The following UBE2Q2 variants were observed in gnomAD, a reference collection of about 807,000 sequenced individuals.
UBE2Q2 encodes ubiquitin conjugating enzyme E2 Q2, also known as ubiquitin-conjugating enzyme E2 Q2.
A neutral mutation model predicts 59.9 loss-of-function variants in UBE2Q2; 54 were observed. That is an observed-to-expected ratio of 0.90 (90% CI 0.72 to 1.13). UBE2Q2 has a LOEUF of 1.13. UBE2Q2 is among the 50% of genes most tolerant of loss of function. The probability of loss-of-function intolerance (pLI) is 0.00; values close to 1 mark genes in which losing one functional copy is unlikely to be tolerated. For missense variants in UBE2Q2, 433 were observed against 441.9 expected, an observed-to-expected ratio of 0.98 and a Z score of 0.18; for synonymous variants, 165 against 155.2, an observed-to-expected ratio of 1.06 and a Z score of -0.47.
chr15:75,863,579 G>C (rs993087583), intron 3 of UBE2Q2, among the ~76,000 whole-genome samples: 3 of 151,466 alleles, frequency 2.0e-5, no homozygotes, highest in African/African-American at 7.3e-5. Context: ...CCAAGTAGCT[G>C]GGATTACAGG....
At position 75,880,573 on chromosome 15, in the gene UBE2Q2, C is replaced by T. The variant is rs551305726; in HGVS notation, c.825+1385C>T. Among the ~76,000 whole-genome samples, 5 of 151,818 alleles carry T rather than the reference C, an allele frequency of 3.3e-5. No individual in the cohort carries two copies. In the South Asian group the frequency reaches 1.0e-3, roughly 31 times the overall value. ...CTGGCGTGTGGTGGCACAATCTTGG[C>T]TCACTGCAACCTCTGCCTCCCGGGT... On this transcript the variant is annotated intron_variant, in intron 8 of 12. Transcript: ENST00000267938.
chr15:75,874,032 A>G (rs1350833426), intron 5 of UBE2Q2, among the ~76,000 whole-genome samples: 1 of 151,996 alleles, frequency 6.6e-6, no homozygotes, highest in Non-Finnish European at 1.5e-5. Flanking sequence ...TACGTTTCTT[A>G]TCTATAGATA....
At chr15:75,870,866 T>C (rs1305651702) in intron 4 of UBE2Q2, among the ~76,000 whole-genome samples, 1 of 151,986 alleles carries the variant, frequency 6.6e-6, no homozygotes, top group Non-Finnish European at 1.5e-5. Context: ...AAGGGGTGGG[T>C]TGCCCCTCCA....
At chr15:75,864,158 TATATTAAG>T (rs1897334993) in intron 3 of UBE2Q2, among the ~76,000 whole-genome samples, 1 of 152,218 alleles carries the variant, frequency 6.6e-6, no homozygotes, top group Non-Finnish European at 1.5e-5. Context: ...TTTTTACTTC[TATATTAAG>T]TAAGGTTATA....
intron 3 of UBE2Q2, among the ~76,000 whole-genome samples, chr15:75,862,817 A>G (rs1158154325): frequency 1.5e-3 from 214 of 138,588 alleles, no homozygotes; most frequent in Non-Finnish European, 2.6e-3. Context: ...CCTATCTCAA[A>G]AAAAAAAAAA....
intron 9 of UBE2Q2, among the ~76,000 whole-genome samples, chr15:75,887,653 G>A (rs1898861717): frequency 6.6e-6 from 1 of 151,724 alleles, no homozygotes; most frequent in Non-Finnish European, 1.5e-5. Flanking sequence ...ACAGGGGAGT[G>A]ACAGTAAAGA....
intron 1 of UBE2Q2, among the ~76,000 whole-genome samples, chr15:75,850,417 C>T (rs904525106): frequency 6.6e-6 from 1 of 152,096 alleles, no homozygotes; most frequent in African/African-American, 2.4e-5. Context: ...TTACTCCTTA[C>T]GTGTAGGCAA....
At chr15:75,869,106 G>A in intron 4 of UBE2Q2, 96 bp downstream of exon 4, 1 of 1,011,798 alleles carries the variant, frequency 9.9e-7, no homozygotes, top group Non-Finnish European at 1.5e-6. Flanking sequence ...TATTAATGTG[G>A]AATAATTGAA....
At chr15:75,875,165 A>G (rs1001785099) in intron 5 of UBE2Q2, among the ~76,000 whole-genome samples, 110 of 152,338 alleles carry the variant, frequency 7.2e-4, no homozygotes, top group African/African-American at 2.6e-3. Flanking sequence ...ATACTATGCC[A>G]AGTACTTTAT....
intron 1 of UBE2Q2, among the ~76,000 whole-genome samples, chr15:75,848,603 T>TA: frequency 6.6e-6 from 1 of 152,306 alleles, no homozygotes; most frequent in East Asian, 1.9e-4. Flanking sequence ...AAGGAACAGA[T>TA]ATATGAAGAG....
In UBE2Q2 at chr15:75,854,432, A is replaced by T; in HGVS notation, c.227A>T (p.Asp76Val). 1 of 1,613,592 alleles carries T rather than the reference A, an allele frequency of 6.2e-7. No individual in the cohort carries two copies. The highest frequency in any genetic ancestry group is 8.5e-7 in the Non-Finnish European group (1 of 1,179,694). Residue 76 changes from aspartate (D) to valine (V), a missense_variant, in exon 2 of 13, where the codon GAC (aspartate) becomes GTC (valine). By Grantham distance (152) the Asp-to-Val change is radical. Transcript: ENST00000267938. ...CCGATATGGTTTGTGGATTCTGAAG[A>T]CCCAAATCTGACATCAGTTCTGGAA... Reference protein sequence around the residue: ...SSPIWFVDSEDPNLTSVLERL... With the variant: ...SSPIWFVDSEVPNLTSVLERL...
intron 3 of UBE2Q2, among the ~76,000 whole-genome samples, chr15:75,862,644 C>T (rs1378151908): frequency 6.6e-6 from 1 of 150,774 alleles, no homozygotes; most frequent in East Asian, 1.9e-4. Flanking sequence ...ATTGAGACCC[C>T]ATCTTTACAA....
At chr15:75,844,166 C>T (rs1468713603) in intron 1 of UBE2Q2, 1 of 1,435,436 alleles carries the variant, frequency 7.0e-7, no homozygotes, top group Non-Finnish European at 9.1e-7. Flanking sequence ...CATGGCCGCC[C>T]TCAGCCGGCC....
intron 3 of UBE2Q2, 64 bp downstream of exon 3, chr15:75,860,046 G>A: frequency 1.7e-6 from 2 of 1,167,494 alleles, no homozygotes; most frequent in Non-Finnish European, 2.5e-6. Context: ...AGTCAAACTA[G>A]GATGATTTTT....
At chr15:75,845,536 A>T (rs1241820894) in intron 1 of UBE2Q2, among the ~76,000 whole-genome samples, 1 of 152,144 alleles carries the variant, frequency 6.6e-6, no homozygotes, top group Non-Finnish European at 1.5e-5. Flanking sequence ...GAATGATAGG[A>T]GACTGAATTT....
intron 3 of UBE2Q2, among the ~76,000 whole-genome samples, chr15:75,864,590 T>A (rs1897361150): frequency 6.6e-6 from 1 of 150,558 alleles, no homozygotes; most frequent in African/African-American, 2.4e-5. Flanking sequence ...TTCTTCAGTT[T>A]TAGTAACTGT....
rs774432630 is a variant in UBE2Q2 at position 75,896,971 on chromosome 15, T to A, written c.1030-24T>A. 6 of 1,447,732 alleles carry A rather than the reference T, an allele frequency of 4.1e-6. No individual in the cohort carries two copies. In the African/African-American group the frequency reaches 5.7e-5, roughly 14 times the overall value. The allele number at this position is 1,447,732 out of a possible 1,614,324, so 89.7% of individuals were successfully genotyped here. A position where few individuals can be genotyped will look rare whatever the true frequency, so the allele number is the denominator to read the frequency against. ...ATTTTCACCTAATTACACTTTTGATTTAAAATGTGTAATTCTCTTTCAGAA... is the reference window on the plus strand; with the variant it reads ...ATTTTCACCTAATTACACTTTTGATATAAAATGTGTAATTCTCTTTCAGAA... On this transcript the variant is annotated intron_variant, in intron 11 of 12. Transcript: ENST00000267938.
intron 2 of UBE2Q2, 90 bp downstream of exon 2, chr15:75,854,577 T>A: frequency 2.7e-6 from 2 of 748,054 alleles, no homozygotes; most frequent in South Asian, 4.7e-5. Flanking sequence ...TATAAAAGCA[T>A]GATTAATGAT....
rs1245750246 is a variant in UBE2Q2 at position 75,859,941 on chromosome 15, C to T, written c.346C>T (p.Leu116=). The T allele has an allele frequency of 6.2e-7, 1 of 1,603,624 alleles. No homozygotes were observed. The highest frequency in any genetic ancestry group is 1.1e-5 in the South Asian group (1 of 87,958). Residue 116 remains leucine (L), a synonymous_variant, in exon 3 of 13, where the codon CTG becomes TTG. Coordinates refer to ENST00000267938, the MANE Select transcript of UBE2Q2 (RefSeq NM_173469.4). ...CAGTTTATATAACCTTCCTAAGCAC[C>T]TGGATGTTGAGATGCTAGATCAACC... ...LCSLYNLPKH[L]DVEMLDQPLP... is the part of the protein sequence containing the mutation.
Sources: allele counts gnomAD v4.1 joint callset (sites outside exome capture counted in the v4.1 genomes callset), GRCh38; gene constraint gnomAD v4.1.1; transcripts MANE v1.5; gene names NCBI Gene and HGNC (gene_info 2026-07-23, HGNC 2026-07-21).